The following LRBA variants were observed in gnomAD, a reference collection of about 807,000 sequenced individuals.
The protein encoded by LRBA is lipopolysaccharide-responsive and beige-like anchor protein.
A neutral mutation model predicts 330.0 loss-of-function variants in LRBA; 176 were observed. The ratio of observed to expected loss-of-function variants is 0.53; its 90% CI spans 0.47 to 0.60. The LOEUF (loss-of-function observed/expected upper bound fraction) is 0.60, where lower values mean the gene tolerates loss of function less well. LRBA is among the 20% of genes least tolerant of loss of function. The pLI is 0.00. For synonymous variants in LRBA, 1,230 were observed against 1,193.0 expected, an observed-to-expected ratio of 1.03 and a Z score of -0.64; for missense variants, 3,259 against 3,444.8, an observed-to-expected ratio of 0.95 and a Z score of 1.35.
Position 150,406,581 on chromosome 4 carries a change from A to T in LRBA, c.7194+8857T>A, listed in dbSNP as rs1746223724. Among the ~76,000 whole-genome samples, 3 of 152,328 alleles carry T rather than the reference A, an allele frequency of 2.0e-5. No individual in the cohort carries two copies. In the South Asian group the frequency reaches 6.2e-4, roughly 32 times the overall value. On this transcript the variant is annotated intron_variant, in intron 47 of 56. Coordinates refer to ENST00000651943, the MANE Select transcript of LRBA (RefSeq NM_001364905.1). Reference sequence around the variant, plus strand: ...AGTATCAGGCAAAACAGACTCAAAAATTACTAAAAACAAACAGAGACAATT... The same window carrying T: ...AGTATCAGGCAAAACAGACTCAAAATTTACTAAAAACAAACAGAGACAATT...
intron 37 of LRBA, among the ~76,000 whole-genome samples, chr4:150,609,611 T>C (rs13108157): frequency 0.71 from 107,892 of 152,144 alleles, 45,047 homozygotes; most frequent in Non-Finnish European, 0.91. Context: ...AACAGATACA[T>C]GGATTACTGG....
intron 44 of LRBA, 100 bp from the exon 45 acceptor site, chr4:150,436,964 A>T (rs534589043): frequency 9.4e-7 from 1 of 1,068,988 alleles, no homozygotes; most frequent in African/African-American, 1.6e-5. Context: ...ATAAAAGTGA[A>T]TTTTAAAAAT....
At chr4:150,356,565 A>G (rs1292951482) in intron 47 of LRBA, among the ~76,000 whole-genome samples, 2 of 152,078 alleles carry the variant, frequency 1.3e-5, no homozygotes, top group East Asian at 3.8e-4. Context: ...TTTTCTAACA[A>G]AGGTCACAGA....
At chr4:150,358,758 A>G (rs2151837137) in intron 47 of LRBA, among the ~76,000 whole-genome samples, 1 of 152,300 alleles carries the variant, frequency 6.6e-6, no homozygotes, top group Non-Finnish European at 1.5e-5. Context: ...TTTATATTAT[A>G]TAGTCAGTTA....
intron 40 of LRBA, among the ~76,000 whole-genome samples, chr4:150,499,178 T>A (rs954603071): frequency 6.6e-6 from 1 of 152,294 alleles, no homozygotes; most frequent in East Asian, 1.9e-4. Flanking sequence ...TTCAAATTGT[T>A]TTTTCTTCAA....
chr4:150,802,471 T>C (rs1297265512), intron 33 of LRBA, among the ~76,000 whole-genome samples: 2 of 151,804 alleles, frequency 1.3e-5, no homozygotes, highest in African/African-American at 4.8e-5. Context: ...TTAATCATAT[T>C]TATAAAAAGG....
At chr4:150,897,007 A>G (rs1164140113) in intron 15 of LRBA, among the ~76,000 whole-genome samples, 1 of 151,234 alleles carries the variant, frequency 6.6e-6, no homozygotes, top group Admixed American at 6.6e-5. Flanking sequence ...AAAAAAAAAA[A>G]CACCACAAGA....
intron 46 of LRBA, among the ~76,000 whole-genome samples, chr4:150,420,408 TAC>T (rs1158912332): frequency 2.9e-5 from 4 of 137,864 alleles, no homozygotes; most frequent in Admixed American, 2.3e-4. Context: ...GTATATATAA[TAC>T]ACATTATAGT....
chr4:150,658,087 G>A (rs181548172), intron 37 of LRBA, among the ~76,000 whole-genome samples: 5 of 152,194 alleles, frequency 3.3e-5, no homozygotes, highest in Admixed American at 3.3e-4. Context: ...GCTAAGGGGT[G>A]AGTCAAAGGA....
intron 47 of LRBA, among the ~76,000 whole-genome samples, chr4:150,408,565 AAAGTCAGATG>A (rs1746518956): frequency 6.6e-6 from 1 of 152,154 alleles, no homozygotes; most frequent in Non-Finnish European, 1.5e-5. Context: ...CCCTGATAAT[AAAGTCAGATG>A]AGGATATCAC....
chr4:150,995,417 C>T (rs1405882256), intron 2 of LRBA, among the ~76,000 whole-genome samples: 2 of 150,816 alleles, frequency 1.3e-5, no homozygotes, highest in Non-Finnish European at 3.0e-5. Flanking sequence ...CGATGAGGAA[C>T]ATGAAAATAA....
In LRBA at chr4:150,583,165, G is replaced by A; in HGVS notation, c.6330+4883C>T. Reference sequence around the variant, plus strand: ...GGTCTCGGACGTGCTCAAGGAAGTGGAGGTGCAGGAGCCTCGCTTCATCAG... The same window carrying A: ...GGTCTCGGACGTGCTCAAGGAAGTGAAGGTGCAGGAGCCTCGCTTCATCAG... On this transcript the variant is annotated intron_variant, in intron 40 of 56. Transcript: ENST00000651943. This position sits in a 1 kb window ranked among gnomAD's most constrained non-coding sequence, Gnocchi z 9.8. 1 of 1,614,224 alleles carries A rather than the reference G, an allele frequency of 6.2e-7. No individual in the cohort carries two copies.
At chr4:150,301,425 G>C (rs1417879578) in intron 53 of LRBA, among the ~76,000 whole-genome samples, 1 of 151,968 alleles carries the variant, frequency 6.6e-6, no homozygotes, top group African/African-American at 2.4e-5. Context: ...ATTTGCATAG[G>C]AAATTATCCC....
intron 33 of LRBA, among the ~76,000 whole-genome samples, chr4:150,803,171 A>G (rs769954586): frequency 3.3e-5 from 5 of 151,268 alleles, no homozygotes; most frequent in African/African-American, 7.3e-5. Flanking sequence ...AAAGATAAAT[A>G]TGGGCTGGGT....
intron 56 of LRBA, among the ~76,000 whole-genome samples, chr4:150,277,242 G>A (rs1300655184): frequency 6.7e-6 from 1 of 149,076 alleles, no homozygotes; most frequent in African/African-American, 2.5e-5. Context: ...TATGGACACA[G>A]AGGAACATCA....
At chr4:150,653,916 T>C (rs1466927799) in intron 37 of LRBA, among the ~76,000 whole-genome samples, 2 of 152,142 alleles carry the variant, frequency 1.3e-5, no homozygotes, top group African/African-American at 2.4e-5. Flanking sequence ...TTATTAGAAT[T>C]AAGTTCAGAG....
At chr4:150,848,621 T>C (rs961155923) in intron 26 of LRBA, among the ~76,000 whole-genome samples, 197 bp downstream of exon 26, 2 of 149,624 alleles carry the variant, frequency 1.3e-5, no homozygotes, top group African/African-American at 2.5e-5. Context: ...ATCACCTTAG[T>C]AAATTTTTCA....
At chr4:150,407,520 C>CA (rs1172903563) in intron 47 of LRBA, among the ~76,000 whole-genome samples, 6 of 151,982 alleles carry the variant, frequency 3.9e-5, no homozygotes, top group Admixed American at 6.6e-5. Flanking sequence ...TAGTTAAACA[C>CA]AAAAAACTAA....
intron 40 of LRBA, among the ~76,000 whole-genome samples, chr4:150,539,677 C>T (rs1167494592): frequency 2.0e-5 from 3 of 152,158 alleles, no homozygotes; most frequent in Non-Finnish European, 4.4e-5. Context: ...TAGAATCCAA[C>T]GTAACATATA....
Sources: gnomAD v4.1 joint callset for allele counts (sites outside exome capture counted in the v4.1 genomes callset) on GRCh38, gnomAD v4.1.1 for gene constraint, Gnocchi (gnomAD v3.1) non-coding constraint, MANE v1.5 for transcripts, NCBI Gene and HGNC (gene_info 2026-07-23, HGNC 2026-07-21) for gene names.